Variants in CFAP210 observed in about 807,000 individuals in gnomAD.
CFAP210 encodes the protein cilia and flagella associated protein 210.
At chr2:169,645,605 A>G in the CFAP210 span, 1 of 447,376 alleles carries the variant, frequency 2.2e-6, no homozygotes, top group African/African-American at 2.0e-5. Context: ...TTTTGAATGT[A>G]CTTAATACCA....
chr2:169,647,191 T>G, the CFAP210 span, among the ~76,000 whole-genome samples: 1 of 113,254 alleles, frequency 8.8e-6, no homozygotes, highest in Non-Finnish European at 1.8e-5. Context: ...GGAGAAAAAG[T>G]CAAAAAAAAG....
chr2:169,679,024 C>T, the CFAP210 span, among the ~76,000 whole-genome samples: 2 of 151,832 alleles, frequency 1.3e-5, no homozygotes, highest in East Asian at 3.9e-4. Flanking sequence ...GCAGAAATGT[C>T]GCCTGAATAT....
the CFAP210 span, chr2:169,694,250 G>A: frequency 6.2e-7 from 1 of 1,613,930 alleles, no homozygotes; most frequent in South Asian, 1.1e-5. Flanking sequence ...GGATAGGTCA[G>A]TTTAGCTCAC....
At chr2:169,663,313 T>G in the CFAP210 span, among the ~76,000 whole-genome samples, 1 of 151,222 alleles carries the variant, frequency 6.6e-6, no homozygotes, top group Non-Finnish European at 1.5e-5. Context: ...ATAGGGCAGG[T>G]CGACAACCCA....
At chr2:169,665,777 G>T in the CFAP210 span, among the ~76,000 whole-genome samples, 1 of 152,148 alleles carries the variant, frequency 6.6e-6, no homozygotes. Flanking sequence ...TTGAGTACAG[G>T]AAGATTGTGA....
the CFAP210 span, chr2:169,658,789 C>T: frequency 3.5e-6 from 1 of 289,192 alleles, no homozygotes; most frequent in Non-Finnish European, 6.8e-6. Flanking sequence ...TACCGGAGAG[C>T]ATTTAGAAGA....
At chr2:169,645,971 ACAAACACTG>A in the CFAP210 span, 1 of 1,613,950 alleles carries the variant, frequency 6.2e-7, no homozygotes, top group Admixed American at 1.7e-5. Context: ...ACCTCTGTCC[ACAAACACTG>A]GTCCACGGCC....
the CFAP210 span, among the ~76,000 whole-genome samples, chr2:169,652,978 C>T: frequency 6.3e-5 from 6 of 95,130 alleles, no homozygotes; most frequent in Admixed American, 1.7e-4. Context: ...CCAGCCTGGG[C>T]GACAGAGCAA....
the CFAP210 span, among the ~76,000 whole-genome samples, chr2:169,664,305 T>C: frequency 3.3e-5 from 5 of 152,220 alleles, no homozygotes; most frequent in Non-Finnish European, 7.3e-5. Context: ...AACAAGAAGA[T>C]ACTTTAAAAT....
At chr2:169,678,844 T>TA in the CFAP210 span, among the ~76,000 whole-genome samples, 1 of 151,194 alleles carries the variant, frequency 6.6e-6, no homozygotes, top group South Asian at 2.1e-4. Flanking sequence ...AAAAATAAAA[T>TA]AAAAAATTAA....
the CFAP210 span, chr2:169,694,339 A>AAAAGTGAC: frequency 1.2e-6 from 2 of 1,613,638 alleles, no homozygotes; most frequent in Non-Finnish European, 8.5e-7. Context: ...ATGCTCCTAG[A>AAAAGTGAC]TCTGGAAAAG....
At chr2:169,650,257 T>C in the CFAP210 span, 20 of 1,356,888 alleles carry the variant, frequency 1.5e-5, no homozygotes, top group African/African-American at 2.7e-4. Context: ...GAGAGGCAGA[T>C]GAGATGGAAA....
At chr2:169,691,791 G>A in the CFAP210 span, among the ~76,000 whole-genome samples, 1 of 152,108 alleles carries the variant, frequency 6.6e-6, no homozygotes, top group South Asian at 2.1e-4. Flanking sequence ...TCCTGCTGTT[G>A]TTGTTTGTTT....
At chr2:169,665,949 G>A in the CFAP210 span, among the ~76,000 whole-genome samples, 1 of 151,798 alleles carries the variant, frequency 6.6e-6, no homozygotes, top group Non-Finnish European at 1.5e-5. Context: ...GATGGTCTTT[G>A]AACTCCTGGG....
the CFAP210 span, chr2:169,661,396 C>T: frequency 2.7e-6 from 1 of 376,498 alleles, no homozygotes; most frequent in Non-Finnish European, 5.1e-6. Context: ...TTTTATCCTC[C>T]TCTTGAACCT....
the CFAP210 span, chr2:169,649,045 A>T: frequency 1.5e-6 from 1 of 648,072 alleles, no homozygotes. Flanking sequence ...TCACATTTTT[A>T]ATACATTTTA....
chr2:169,679,702 A>AAAC, the CFAP210 span, among the ~76,000 whole-genome samples: 10 of 149,812 alleles, frequency 6.7e-5, no homozygotes, highest in South Asian at 2.2e-4. Flanking sequence ...AAAAAAAAAA[A>AAAC]AGGTGCCAGT....
chr2:169,654,491 T>C, the CFAP210 span, among the ~76,000 whole-genome samples: 7 of 152,214 alleles, frequency 4.6e-5, no homozygotes, highest in South Asian at 1.4e-3. Context: ...TAAATCATAC[T>C]CTCAATTACA....
At chr2:169,662,314 CTT>C in the CFAP210 span, 1 of 1,603,644 alleles carries the variant, frequency 6.2e-7, no homozygotes, top group Non-Finnish European at 8.5e-7. Context: ...CATCTCTTCT[CTT>C]TTCTTTTCTA....
Sources: gnomAD v4.1 joint callset for allele counts (sites outside exome capture counted in the v4.1 genomes callset) on GRCh38, gnomAD v4.1.1 for gene constraint, MANE v1.5 for transcripts, NCBI Gene and HGNC (gene_info 2026-07-23, HGNC 2026-07-21) for gene names.